Variants in GRID2 observed in about 807,000 individuals in gnomAD.
The protein encoded by GRID2 is glutamate receptor ionotropic, delta-2.
Under a neutral mutation model 114.8 loss-of-function variants are expected in GRID2, and 33 were observed. The observed-to-expected ratio is 0.29, with a 90% CI of 0.22 to 0.38. The LOEUF (loss-of-function observed/expected upper bound fraction) is 0.38. GRID2 is among the 10% of genes least tolerant of loss of function. GRID2 has a pLI of 1.00. For missense variants in GRID2, 1,184 were observed against 1,257.7 expected, an observed-to-expected ratio of 0.94 and a Z score of 0.89; for synonymous variants, 505 against 449.9, an observed-to-expected ratio of 1.12 and a Z score of -1.55.
intron 2 of GRID2, among the ~76,000 whole-genome samples, chr4:92,854,089 C>A (rs1393148190): frequency 1.3e-5 from 2 of 150,920 alleles, no homozygotes; most frequent in African/African-American, 2.4e-5. Flanking sequence ...TTTTTTCTTT[C>A]TTTCTTCATC....
intron 2 of GRID2, among the ~76,000 whole-genome samples, chr4:93,035,726 C>T (rs75099363): frequency 0.014 from 2,151 of 152,180 alleles, 21 homozygotes; most frequent in East Asian, 0.053. Flanking sequence ...CAGTTCTTTG[C>T]CATATGGACC....
intron 2 of GRID2, among the ~76,000 whole-genome samples, chr4:92,707,341 A>G (rs958698531): frequency 1.3e-5 from 2 of 152,172 alleles, no homozygotes; most frequent in Non-Finnish European, 2.9e-5. Flanking sequence ...ACACATTCAG[A>G]CCTATAAATG....
At chr4:92,354,649 T>C (rs190932864) in intron 1 of GRID2, among the ~76,000 whole-genome samples, 138 of 152,084 alleles carry the variant, frequency 9.1e-4, no homozygotes, top group Non-Finnish European at 1.8e-3. Context: ...ATTATACAGA[T>C]TGTGTCAGCA....
chr4:92,778,157 C>A (rs1448920716), intron 2 of GRID2, among the ~76,000 whole-genome samples: 3 of 152,080 alleles, frequency 2.0e-5, no homozygotes, highest in African/African-American at 7.2e-5. Flanking sequence ...TCCCACTGAC[C>A]TTATGTTCCC....
chr4:93,619,317 G>A (rs138584964), intron 13 of GRID2, among the ~76,000 whole-genome samples: 27 of 152,326 alleles, frequency 1.8e-4, no homozygotes, highest in Non-Finnish European at 2.6e-4. Flanking sequence ...TGCCCAAAGT[G>A]TGAGAGGCTA....
chr4:92,973,871 A>C (rs149979828), intron 2 of GRID2, among the ~76,000 whole-genome samples: 2,286 of 152,284 alleles, frequency 0.015, 26 homozygotes, highest in Non-Finnish European at 0.025. Context: ...GCTTCTGCAC[A>C]GCAAAAGAAA....
At chr4:92,634,499 A>T (rs745398433) in intron 2 of GRID2, among the ~76,000 whole-genome samples, 38 of 152,156 alleles carry the variant, frequency 2.5e-4, no homozygotes, top group Middle Eastern at 3.2e-3. Flanking sequence ...ATGTCACTTT[A>T]TAATGCTGCA....
intron 14 of GRID2, among the ~76,000 whole-genome samples, chr4:93,673,993 C>T (rs980659832): frequency 2.1e-4 from 32 of 151,842 alleles, no homozygotes; most frequent in Non-Finnish European, 8.8e-5. Context: ...TTTTCAGACT[C>T]ATGACTTTTG....
intron 2 of GRID2, among the ~76,000 whole-genome samples, chr4:93,031,032 A>ATTT (rs576187018): frequency 2.8e-5 from 3 of 106,210 alleles, no homozygotes; most frequent in African/African-American, 4.1e-5. Flanking sequence ...TCCAATCTCC[A>ATTT]TTTTTTTTTT....
intron 2 of GRID2, among the ~76,000 whole-genome samples, chr4:92,929,489 T>C (rs910312336): frequency 6.6e-6 from 1 of 151,388 alleles, no homozygotes; most frequent in Non-Finnish European, 1.5e-5. Flanking sequence ...TTAGTTTTTG[T>C]ATAGTAAGTA....
At chr4:93,132,024 C>A (rs987850880) in intron 4 of GRID2, among the ~76,000 whole-genome samples, 1 of 151,780 alleles carries the variant, frequency 6.6e-6, no homozygotes, top group Admixed American at 6.6e-5. Flanking sequence ...AAAACACAAA[C>A]AACAAAAATG....
chr4:92,807,333 A>T (rs1056648582), intron 2 of GRID2, among the ~76,000 whole-genome samples: 11 of 152,136 alleles, frequency 7.2e-5, no homozygotes, highest in African/African-American at 2.6e-4. Context: ...ATAAAAAATA[A>T]AACTACCTAG....
At chr4:93,119,852 C>G (rs1004938434) in intron 4 of GRID2, among the ~76,000 whole-genome samples, 1 of 152,154 alleles carries the variant, frequency 6.6e-6, no homozygotes, top group African/African-American at 2.4e-5. Context: ...AAAGGGTGCC[C>G]TTTTAAGAAG....
chr4:92,563,346 G>C (rs966373162), intron 1 of GRID2, among the ~76,000 whole-genome samples: 13 of 152,016 alleles, frequency 8.6e-5, no homozygotes, highest in Non-Finnish European at 1.8e-4. Context: ...GAGCTAGTAG[G>C]CTTATTAACT....
At chr4:93,392,923 A>G (rs999365762) in intron 8 of GRID2, among the ~76,000 whole-genome samples, 2 of 152,034 alleles carry the variant, frequency 1.3e-5, no homozygotes, top group Admixed American at 6.6e-5. Flanking sequence ...TTAAATAATA[A>G]TGGTAAGGGC....
intron 13 of GRID2, among the ~76,000 whole-genome samples, chr4:93,611,893 CT>C (rs1740965051): frequency 6.6e-6 from 1 of 151,546 alleles, no homozygotes; most frequent in African/African-American, 2.4e-5. Flanking sequence ...TCTCATGGAT[CT>C]GTCTAATGTT....
chr4:93,708,823 A>G (rs973123244), intron 14 of GRID2, among the ~76,000 whole-genome samples: 1 of 150,592 alleles, frequency 6.6e-6, no homozygotes, highest in Non-Finnish European at 1.5e-5. Context: ...CTTTGATGGC[A>G]TATTTTAATT....
chr4:93,426,867 A>AG (rs777114857), intron 10 of GRID2, among the ~76,000 whole-genome samples: 1 of 152,078 alleles, frequency 6.6e-6, no homozygotes, highest in South Asian at 2.1e-4. Flanking sequence ...CATTGGAACT[A>AG]GGTTTTTATT....
At chr4:92,446,065 G>A (rs1171256878) in intron 1 of GRID2, among the ~76,000 whole-genome samples, 1 of 152,036 alleles carries the variant, frequency 6.6e-6, no homozygotes, top group Non-Finnish European at 1.5e-5. Flanking sequence ...CATGCCTCAA[G>A]CTCTGGAGTA....
Sources: gnomAD v4.1 joint callset for allele counts (sites outside exome capture counted in the v4.1 genomes callset) on GRCh38, gnomAD v4.1.1 for gene constraint, MANE v1.5 for transcripts, NCBI Gene and HGNC (gene_info 2026-07-23, HGNC 2026-07-21) for gene names.